TAOK1: variants seen among roughly 807,000 people sequenced by gnomAD.
TAOK1 encodes serine/threonine-protein kinase TAO1.
TAOK1 carries 21 observed loss-of-function variants against 138.3 expected under a neutral mutation model. That is an observed-to-expected ratio of 0.15 (90% CI 0.11 to 0.22). The LOEUF (loss-of-function observed/expected upper bound fraction) is 0.22. TAOK1 is among the 10% of genes least tolerant of loss of function. The pLI is 1.00. For synonymous variants in TAOK1, 361 were observed against 398.4 expected (o/e 0.91, Z 1.12); for missense variants, 651 against 1,227.7 (o/e 0.53, Z 7.02).
intron 3 of TAOK1, among the ~76,000 whole-genome samples, chr17:29,468,388 C>T (rs556203294): frequency 9.2e-5 from 14 of 151,470 alleles, no homozygotes; most frequent in Admixed American, 2.6e-4. Context: ...CTGCCTGCCT[C>T]GGCCTCCCAA....
intron 5 of TAOK1, 73 bp from the exon 6 acceptor site, chr17:29,478,178 G>C: frequency 9.7e-7 from 1 of 1,029,078 alleles, no homozygotes; most frequent in Non-Finnish European, 1.4e-6. Context: ...TTTAAAAATT[G>C]CCCCATGTAT....
chr17:29,509,221 G>T (rs2031676387), intron 14 of TAOK1, among the ~76,000 whole-genome samples: 1 of 151,844 alleles, frequency 6.6e-6, no homozygotes, highest in Non-Finnish European at 1.5e-5. Context: ...CCAGGCTGGA[G>T]TGCAGTGGTG....
chr17:29,474,314 TC>T (rs2030896149), intron 3 of TAOK1, among the ~76,000 whole-genome samples: 2 of 152,230 alleles, frequency 1.3e-5, no homozygotes, highest in Admixed American at 1.3e-4. Context: ...CTTTAAATTT[TC>T]TTCAATAACT....
chr17:29,494,061 C>A (rs1477278649), intron 10 of TAOK1, among the ~76,000 whole-genome samples: 1 of 151,990 alleles, frequency 6.6e-6, no homozygotes, highest in Non-Finnish European at 1.5e-5. Context: ...GGATTACAGG[C>A]CTATGCCTCC....
At chr17:29,479,281 A>G (rs2153026721) in intron 6 of TAOK1, among the ~76,000 whole-genome samples, 1 of 152,314 alleles carries the variant, frequency 6.6e-6, no homozygotes, top group East Asian at 1.9e-4. Flanking sequence ...TATTGGTTCT[A>G]GCTGTTTTAG....
intron 19 of TAOK1, among the ~76,000 whole-genome samples, chr17:29,536,473 G>A (rs529649678): frequency 0.011 from 1,603 of 150,922 alleles, 32 homozygotes; most frequent in African/African-American, 0.037. Context: ...GATGGCGGGT[G>A]CCTATAGTCC....
At chr17:29,459,531 C>T (rs2030481727) in intron 2 of TAOK1, among the ~76,000 whole-genome samples, 1 of 152,134 alleles carries the variant, frequency 6.6e-6, no homozygotes, top group African/African-American at 2.4e-5. Context: ...AAGTGATCCA[C>T]CTGCCTCAGC....
At chr17:29,503,090 G>A (rs1256961818) in intron 13 of TAOK1, among the ~76,000 whole-genome samples, 1 of 152,022 alleles carries the variant, frequency 6.6e-6, no homozygotes. Context: ...AGAAATGAAT[G>A]GTATTTCCAT....
intron 1 of TAOK1, among the ~76,000 whole-genome samples, chr17:29,444,503 C>T (rs916436837): frequency 1.3e-5 from 2 of 152,058 alleles, no homozygotes; most frequent in Admixed American, 6.6e-5. Context: ...TGGGAGTTCT[C>T]GTGTATTTAT....
chr17:29,437,490 G>A (rs187078672), intron 1 of TAOK1, among the ~76,000 whole-genome samples: 5 of 152,094 alleles, frequency 3.3e-5, no homozygotes, highest in Admixed American at 2.6e-4. Context: ...GAGCCACCAC[G>A]CCGGCCTATG....
Position 29,509,623 on chromosome 17 carries a change from G to A in TAOK1, c.1576-1241G>A, listed in dbSNP as rs372693260. The stretch of plus-strand genomic sequence containing the variant: ...AAAGTATATAACCAGGATGGGTGCA[G>A]TGGCTCACACCTGTAATCCCACCAC... On this transcript the variant is annotated intron_variant, in intron 14 of 19. Coordinates refer to ENST00000261716, the MANE Select transcript of TAOK1 (RefSeq NM_020791.4). 2.0e-4 allele frequency among the ~76,000 whole-genome samples: 30 copies of A among 152,194 alleles called. No individual in the cohort carries two copies. The East Asian group carries it at 2.7e-3, about 14-fold the overall frequency.
At chr17:29,417,230 G>C (rs1042718913) in intron 1 of TAOK1, among the ~76,000 whole-genome samples, 5 of 152,100 alleles carry the variant, frequency 3.3e-5, no homozygotes, top group African/African-American at 9.7e-5. Context: ...GGCCAGCCTG[G>C]TCTTAAACTG....
intron 1 of TAOK1, 68 bp from the exon 2 acceptor site, chr17:29,451,387 A>C: frequency 1.4e-6 from 1 of 739,160 alleles, no homozygotes; most frequent in South Asian, 2.2e-5. Context: ...AGATCAGTAT[A>C]TGACCTTATA....
chr17:29,416,120 C>G (rs149983745), intron 1 of TAOK1, among the ~76,000 whole-genome samples: 1 of 151,752 alleles, frequency 6.6e-6, no homozygotes, highest in Non-Finnish European at 1.5e-5. Context: ...AAAAATTAGC[C>G]GGGCATGGTG....
chr17:29,394,150 G>GTTTTTTTTTTTTTTTTTTT (rs58117433), intron 1 of TAOK1, among the ~76,000 whole-genome samples: 3 of 48,278 alleles, frequency 6.2e-5, no homozygotes, highest in African/African-American at 7.8e-5. Context: ...TAATTTGCCA[G>GTTTTTTTTTTTTTTTTTTT]TTTTTTTTTT....
intron 18 of TAOK1, among the ~76,000 whole-genome samples, chr17:29,532,189 A>C (rs1463190386): frequency 6.6e-6 from 1 of 151,268 alleles, no homozygotes; most frequent in Non-Finnish European, 1.5e-5. Context: ...TGAAAACACC[A>C]CTCTTAGCTC....
intron 1 of TAOK1, among the ~76,000 whole-genome samples, chr17:29,447,639 T>TTTTTA (rs1157714344): frequency 1.1e-4 from 17 of 150,274 alleles, no homozygotes; most frequent in South Asian, 6.3e-4. Flanking sequence ...TCACCCGGCC[T>TTTTTA]TTTTATTTTA....
intron 1 of TAOK1, among the ~76,000 whole-genome samples, chr17:29,439,134 G>A (rs4289056): frequency 0.62 from 94,029 of 151,378 alleles, 30,410 homozygotes; most frequent in East Asian, 0.97. Flanking sequence ...ATTTAGCAGC[G>A]ATATAGTATT....
At chr17:29,397,825 G>GTA (rs1013175079) in intron 1 of TAOK1, among the ~76,000 whole-genome samples, 10 of 150,184 alleles carry the variant, frequency 6.7e-5, no homozygotes, top group East Asian at 1.9e-4. Context: ...GTATATACAT[G>GTA]TATATATATG....
Sources: allele counts gnomAD v4.1 joint callset (sites outside exome capture counted in the v4.1 genomes callset), GRCh38; gene constraint gnomAD v4.1.1; transcripts MANE v1.5; gene names NCBI Gene and HGNC (gene_info 2026-07-23, HGNC 2026-07-21).